The following BMS1 variants were observed in gnomAD, a reference collection of about 807,000 sequenced individuals.
BMS1 encodes the protein BMS1 ribosome biogenesis factor, also known as ribosome biogenesis protein BMS1 homolog.
BMS1 carries 53 observed loss-of-function variants against 138.7 expected under a neutral mutation model. The observed-to-expected ratio is 0.38, with a 90% confidence interval of 0.31 to 0.48. The LOEUF (loss-of-function observed/expected upper bound fraction) is 0.48, where lower values mean the gene tolerates loss of function less well. BMS1 is among the 20% of genes least tolerant of loss of function. The pLI is 0.97. For synonymous variants in BMS1, 504 were observed against 539.9 expected, an observed-to-expected ratio of 0.93 and a Z score of 0.92; for missense variants, 1,360 against 1,565.5, an observed-to-expected ratio of 0.87 and a Z score of 2.22.
intron 12 of BMS1, 141 bp from the exon 13 acceptor site, chr10:42,801,996 A>T (rs181598695): frequency 7.0e-6 from 4 of 574,322 alleles, no homozygotes; most frequent in Non-Finnish European, 1.2e-5. Flanking sequence ...AGGTAAAGTT[A>T]TTTTCTGGGC....
intron 13 of BMS1, among the ~76,000 whole-genome samples, chr10:42,807,331 A>G (rs918484215): frequency 5.3e-5 from 8 of 152,346 alleles, no homozygotes; most frequent in African/African-American, 1.7e-4. Context: ...TTCACTCAGC[A>G]TAATTTCCTG....
At position 42,802,216 on chromosome 10, in the gene BMS1, A is replaced by G; in HGVS notation, c.2327A>G (p.Asp776Gly). The G allele has an allele frequency of 6.2e-7, 1 of 1,613,184 alleles. No homozygotes were observed. Among genetic ancestry groups the G allele is most frequent in the Non-Finnish European group, 8.5e-7 (1 of 1,179,430 alleles). The stretch of plus-strand genomic sequence containing the variant: ...GATGCAGCCAAGGTCTTAGCAGAAG[A>G]TGGTAAGTAAAGAGCTGGGTTCTTC... ...DKDAAKVLAEDEELYGDFEDL... is the reference protein window; with the variant it reads ...DKDAAKVLAEGEELYGDFEDL... The change falls in exon 13 of 23, where the codon GAT becomes GGT. Residue 776 changes from aspartate (D) to glycine (G), a missense_variant and splice_region_variant. This residue lies in a region of BMS1 where 697 missense variants were observed against 686.2 expected (regional missense o/e 1.02). Coordinates refer to ENST00000374518, the MANE Select transcript of BMS1 (RefSeq NM_014753.4).
At chr10:42,817,938 TG>T (rs1660352508) in intron 15 of BMS1, among the ~76,000 whole-genome samples, 3 of 152,316 alleles carry the variant, frequency 2.0e-5, no homozygotes, top group South Asian at 4.1e-4. Context: ...AAACTCATCC[TG>T]GTCAGAGTTC....
rs375869684 is a variant in BMS1 at position 42,831,131 on chromosome 10, G to A, written c.*35G>A. 7 of 1,532,998 alleles carry A rather than the reference G, an allele frequency of 4.6e-6. No homozygotes were observed. Among genetic ancestry groups the A allele is most frequent in the African/African-American group, 1.4e-5 (1 of 72,108 alleles). The allele number at this position is 1,532,998 out of a possible 1,614,324, so 95.0% of individuals were successfully genotyped here. The stretch of plus-strand genomic sequence containing the variant: ...CTGGAGGGACTGTCCCTGGATCTGC[G>A]GAGGTAGACAGTTTCAAACATCACA... On this transcript the variant is annotated 3_prime_UTR_variant, in exon 23 of 23. Transcript: ENST00000374518.
chr10:42,828,346 A>T (rs1322471393), intron 21 of BMS1, among the ~76,000 whole-genome samples: 1 of 152,222 alleles, frequency 6.6e-6, no homozygotes, highest in Non-Finnish European at 1.5e-5. Flanking sequence ...TTATCCATTG[A>T]TGGGTAAAAT....
intron 9 of BMS1, among the ~76,000 whole-genome samples, chr10:42,795,646 C>G (rs1443919790): frequency 6.6e-6 from 1 of 151,956 alleles, no homozygotes; most frequent in Non-Finnish European, 1.5e-5. Context: ...CTAACTTACC[C>G]GTCTCTTATG....
Position 42,796,455 on chromosome 10 carries a change from T to C in BMS1, c.1230-19T>C, listed in dbSNP as rs768685941. 7.5e-6 allele frequency: 12 copies of C among 1,591,416 alleles called. No homozygotes were observed. The South Asian group carries it at 1.2e-4, about 16-fold the overall frequency. ...TTAATGTACAAATTGAATTATTTTG[T>C]ATTTCCTTGGTAATACAGGCTAATG... On this transcript the variant is annotated intron_variant, in intron 9 of 22. Transcript: ENST00000374518.
chr10:42,817,553 C>T lies in BMS1; in HGVS notation c.2580+59C>T. ...AAGACTATCATATAGCGCAGGAATCCCTGACTTTGTTTGGGTCCCTACGTC... is the reference window on the plus strand; with the variant it reads ...AAGACTATCATATAGCGCAGGAATCTCTGACTTTGTTTGGGTCCCTACGTC... On this transcript the variant is annotated intron_variant, in intron 15 of 22. Coordinates refer to ENST00000374518, the MANE Select transcript of BMS1 (RefSeq NM_014753.4). 3.3e-6 allele frequency: 5 copies of T among 1,519,984 alleles called. No homozygotes were observed. The South Asian group carries it at 6.5e-5, about 20-fold the overall frequency. The allele number at this position is 1,519,984 out of a possible 1,614,324, so 94.2% of individuals were successfully genotyped here.
intron 15 of BMS1, 62 bp from the exon 16 acceptor site, chr10:42,820,174 G>A: frequency 6.3e-7 from 1 of 1,575,154 alleles, no homozygotes; most frequent in Non-Finnish European, 8.6e-7. Context: ...ATTTGTTCAT[G>A]TTAATCTTAT....
intron 9 of BMS1, among the ~76,000 whole-genome samples, chr10:42,795,009 C>T (rs1184119427): frequency 2.0e-5 from 3 of 150,720 alleles, no homozygotes; most frequent in Admixed American, 6.6e-5. Context: ...TGAGAATATG[C>T]GGTGTTTGGT....
chr10:42,826,943 G>T (rs1191084261), intron 21 of BMS1, among the ~76,000 whole-genome samples: 1 of 152,216 alleles, frequency 6.6e-6, no homozygotes, highest in African/African-American at 2.4e-5. Context: ...GCAGGGTGGG[G>T]TGCATGCTGT....
intron 19 of BMS1, 81 bp downstream of exon 19, chr10:42,822,265 C>T (rs1842523069): frequency 4.6e-6 from 4 of 876,114 alleles, no homozygotes; most frequent in Non-Finnish European, 6.7e-6. Flanking sequence ...AAAATATGGG[C>T]CTCATATTTT....
chr10:42,816,305 TAAA>T (rs1842348387), intron 13 of BMS1, among the ~76,000 whole-genome samples: 1 of 151,842 alleles, frequency 6.6e-6, no homozygotes, highest in African/African-American at 2.4e-5. Flanking sequence ...TCTCCAAAAA[TAAA>T]AAACAAAAAC....
At chr10:42,785,342 T>A in intron 2 of BMS1, 140 bp from the exon 3 acceptor site, 1 of 590,366 alleles carries the variant, frequency 1.7e-6, no homozygotes, top group Non-Finnish European at 2.8e-6. Context: ...ATATATTGTC[T>A]GTTGTACTCT....
rs1841771954 is a variant in BMS1, at chr10:42,798,621, A to C, written c.2243A>C (p.Glu748Ala). 1 of 1,614,210 alleles carries C rather than the reference A, an allele frequency of 6.2e-7. No homozygotes were observed. Residue 748 changes from glutamate to alanine, a missense_variant, in exon 12 of 23, where the codon GAG becomes GCG. This residue lies in a region of BMS1 where 697 missense variants were observed against 686.2 expected (regional missense o/e 1.02). Transcript: ENST00000374518. ...LVEAPHDWDLEEVMNSIRDCF... is the reference protein window; with the variant it reads ...LVEAPHDWDLAEVMNSIRDCF... ...GAGGCCCCCCATGACTGGGATTTAG[A>C]GGAGGTAAGTCTGGGTAGTACATTT...
At chr10:42,815,497 T>C (rs1261313769) in intron 13 of BMS1, among the ~76,000 whole-genome samples, 1 of 152,266 alleles carries the variant, frequency 6.6e-6, no homozygotes, top group African/African-American at 2.4e-5. Context: ...TTGGCCCTTA[T>C]GTGAAAATGT....
chr10:42,798,779 A>T (rs771376191), intron 12 of BMS1, among the ~76,000 whole-genome samples, 154 bp downstream of exon 12: 1 of 152,246 alleles, frequency 6.6e-6, no homozygotes, highest in Non-Finnish European at 1.5e-5. Flanking sequence ...CGCTTCATGC[A>T]TCCTAAGCAG....
chr10:42,801,911 G>C (rs571423541), intron 12 of BMS1, among the ~76,000 whole-genome samples: 66 of 152,276 alleles, frequency 4.3e-4, no homozygotes, highest in Non-Finnish European at 7.2e-4. Flanking sequence ...GAGGTCAGTA[G>C]AGTAGTAGTA....
At chr10:42,798,398 G>A in intron 11 of BMS1, 70 bp from the exon 12 acceptor site, 2 of 1,583,352 alleles carry the variant, frequency 1.3e-6, no homozygotes, top group Non-Finnish European at 8.6e-7. Context: ...TGGCCTAACT[G>A]GTTGAAAATG....
Sources: gnomAD v4.1 joint callset for allele counts (sites outside exome capture counted in the v4.1 genomes callset) on GRCh38, gnomAD v4.1.1 for gene constraint, gnomAD v4.1.1 regional missense constraint, MANE v1.5 for transcripts, NCBI Gene and HGNC (gene_info 2026-07-23, HGNC 2026-07-21) for gene names.